Variants in SIL1 observed in about 807,000 individuals in gnomAD.
SIL1 encodes the protein SIL1 nucleotide exchange factor, also known as nucleotide exchange factor SIL1.
Under a neutral mutation model 49.1 loss-of-function variants are expected in SIL1, and 40 were observed. That is an observed-to-expected ratio of 0.81 (90% CI 0.63 to 1.06). The LOEUF (loss-of-function observed/expected upper bound fraction) is 1.06, where lower values mean the gene tolerates loss of function less well. Ranked by LOEUF, SIL1 falls within the 50% of genes least tolerant of loss-of-function variation. SIL1 has a pLI of 0.00. For missense variants in SIL1, 500 were observed against 572.6 expected (o/e 0.87, Z 1.29); for synonymous variants, 253 against 250.8 (o/e 1.01, Z -0.08).
At chr5:139,107,585 C>T (rs1168772020) in intron 3 of SIL1, among the ~76,000 whole-genome samples, 1 of 152,192 alleles carries the variant, frequency 6.6e-6, no homozygotes, top group Admixed American at 6.5e-5. Flanking sequence ...ACAGTCTAAT[C>T]CAGGATATCA....
chr5:139,143,271 A>C (rs1274873904), intron 1 of SIL1, among the ~76,000 whole-genome samples: 1 of 148,686 alleles, frequency 6.7e-6, no homozygotes, highest in Non-Finnish European at 1.5e-5. Flanking sequence ...ACATATATAC[A>C]CACATATGTA....
rs199842329 is a variant in SIL1, at chr5:139,100,565, T to C, written c.244+20470A>G. Reference sequence around the variant, plus strand: ...ACTGGCTGCTGTGTTGAGAAATAACTGCAGGTAATTAGGACAGAATGAGGG... The same window carrying C: ...ACTGGCTGCTGTGTTGAGAAATAACCGCAGGTAATTAGGACAGAATGAGGG... On this transcript the variant is annotated intron_variant, in intron 3 of 9. Transcript: ENST00000394817. Among the ~76,000 whole-genome samples the C allele has an allele frequency of 2.6e-5, 4 of 152,326 alleles. No individual in the cohort carries two copies. In the East Asian group the frequency reaches 7.7e-4, roughly 29 times the overall value.
At chr5:138,963,988 C>T (rs928491449) in intron 7 of SIL1, among the ~76,000 whole-genome samples, 2 of 152,194 alleles carry the variant, frequency 1.3e-5, no homozygotes, top group South Asian at 2.1e-4. Context: ...CAGAGCTTCC[C>T]GGAAGCAGGA....
intron 1 of SIL1, among the ~76,000 whole-genome samples, chr5:139,197,309 C>G (rs1752295211): frequency 6.7e-6 from 1 of 148,582 alleles, no homozygotes; most frequent in South Asian, 2.1e-4. Flanking sequence ...ATAAACACAT[C>G]ACTTTCTTCT....
chr5:139,040,300 G>A (rs1769009916), intron 5 of SIL1, among the ~76,000 whole-genome samples: 1 of 152,026 alleles, frequency 6.6e-6, no homozygotes, highest in Admixed American at 6.6e-5. Context: ...TGAAAAGCAG[G>A]AGAAGGATGC....
rs182245523 is a variant in SIL1 at position 138,965,613 on chromosome 5, T to C, written c.768-13729A>G. ...GAAGACACAAAGGTGAATAAAGCAC[T>C]TTCATGGTCCTGGAACCTGGACCTT... is the stretch of plus-strand genomic sequence containing the variant. On this transcript the variant is annotated intron_variant, in intron 7 of 9. Coordinates refer to ENST00000394817, the MANE Select transcript of SIL1 (RefSeq NM_022464.5). 8.6e-5 allele frequency among the ~76,000 whole-genome samples: 13 copies of C among 151,958 alleles called. No individual in the cohort carries two copies. The East Asian group carries it at 2.4e-3, about 28-fold the overall frequency.
chr5:138,985,753 C>T (rs1767636459), intron 7 of SIL1, among the ~76,000 whole-genome samples: 1 of 152,210 alleles, frequency 6.6e-6, no homozygotes, highest in African/African-American at 2.4e-5. Flanking sequence ...GTCAGAGTCA[C>T]ACTGAGTCAG....
At chr5:139,045,846 G>T (rs1376292030) in intron 4 of SIL1, among the ~76,000 whole-genome samples, 1 of 152,094 alleles carries the variant, frequency 6.6e-6, no homozygotes, top group African/African-American at 2.4e-5. Context: ...GAAATCATAA[G>T]CAAGTCCTCT....
At chr5:139,070,852 T>A (rs980147498) in intron 3 of SIL1, among the ~76,000 whole-genome samples, 1 of 152,138 alleles carries the variant, frequency 6.6e-6, no homozygotes, top group African/African-American at 2.4e-5. Flanking sequence ...CCTGTATGAA[T>A]TTTACCACTG....
intron 3 of SIL1, among the ~76,000 whole-genome samples, chr5:139,059,951 T>A (rs1769547910): frequency 6.6e-6 from 1 of 152,212 alleles, no homozygotes; most frequent in Non-Finnish European, 1.5e-5. Context: ...CCCATATCCC[T>A]GTGAGAAATA....
chr5:138,964,814 A>G (rs1406886165), intron 7 of SIL1, among the ~76,000 whole-genome samples: 1 of 152,264 alleles, frequency 6.6e-6, no homozygotes, highest in Non-Finnish European at 1.5e-5. Context: ...ACATTAAACC[A>G]GTTCAAGTGT....
At chr5:139,142,099 T>C (rs988796820) in intron 1 of SIL1, among the ~76,000 whole-genome samples, 3 of 152,198 alleles carry the variant, frequency 2.0e-5, no homozygotes, top group African/African-American at 7.2e-5. Context: ...GCGGCCAAGA[T>C]GGAAGTGTCA....
chr5:139,033,098 A>G (rs1768827898), intron 5 of SIL1, among the ~76,000 whole-genome samples: 1 of 151,922 alleles, frequency 6.6e-6, no homozygotes, highest in Non-Finnish European at 1.5e-5. Context: ...GGCTCAAGTG[A>G]TTCTCCTGCC....
intron 7 of SIL1, among the ~76,000 whole-genome samples, chr5:138,981,319 C>T (rs930252167): frequency 1.3e-5 from 2 of 151,870 alleles, no homozygotes; most frequent in African/African-American, 4.8e-5. Context: ...GATAATGGCA[C>T]TCATGCCTCA....
intron 3 of SIL1, among the ~76,000 whole-genome samples, chr5:139,057,404 G>T (rs1361774218): frequency 1.3e-5 from 2 of 151,894 alleles, no homozygotes; most frequent in African/African-American, 4.8e-5. Flanking sequence ...ACAAGTCAGG[G>T]CTTCATGTGC....
intron 4 of SIL1, among the ~76,000 whole-genome samples, chr5:139,044,641 G>T (rs566360193): frequency 6.6e-6 from 1 of 152,096 alleles, no homozygotes; most frequent in Non-Finnish European, 1.5e-5. Flanking sequence ...TATTATAATG[G>T]ATGAGTGTCC....
At chr5:139,165,824 A>T (rs1238760825) in intron 1 of SIL1, among the ~76,000 whole-genome samples, 4 of 150,020 alleles carry the variant, frequency 2.7e-5, no homozygotes, top group African/African-American at 9.9e-5. Context: ...ATGCCCGGCT[A>T]ATTTTTTTTT....
intron 1 of SIL1, among the ~76,000 whole-genome samples, chr5:139,143,332 C>CAT (rs1228701435): frequency 1.9e-4 from 17 of 90,566 alleles, no homozygotes; most frequent in African/African-American, 7.3e-4. Flanking sequence ...CACACACACA[C>CAT]ACACACACAC....
intron 7 of SIL1, among the ~76,000 whole-genome samples, chr5:138,996,464 T>C (rs956776081): frequency 1.3e-5 from 2 of 152,060 alleles, no homozygotes; most frequent in African/African-American, 4.8e-5. Context: ...TTTTATTCCA[T>C]TCTGTGGGTT....
Sources: gnomAD v4.1 joint callset for allele counts (sites outside exome capture counted in the v4.1 genomes callset) on GRCh38, gnomAD v4.1.1 for gene constraint, MANE v1.5 for transcripts, NCBI Gene and HGNC (gene_info 2026-07-23, HGNC 2026-07-21) for gene names.